The following PGAP4 variants were observed in gnomAD, a reference collection of about 807,000 sequenced individuals.
The protein encoded by PGAP4 is GPI-N-acetylgalactosamine transferase PGAP4.
PGAP4 carries 12 observed loss-of-function variants against 28.2 expected under a neutral mutation model. The ratio of observed to expected loss-of-function variants is 0.42; its 90% confidence interval spans 0.27 to 0.69. The LOEUF (loss-of-function observed/expected upper bound fraction) is 0.69. PGAP4 is among the 30% of genes least tolerant of loss of function. The pLI is 0.22. For missense variants in PGAP4, 425 were observed against 513.5 expected (o/e 0.83, Z 1.67); for synonymous variants, 205 against 211.8 (o/e 0.97, Z 0.28).
In PGAP4 at chr9:101,476,099, A is replaced by C. The variant is rs1826296809; in HGVS notation, c.994T>G (p.Cys332Gly). 6.2e-7 allele frequency: 1 copy of C among 1,613,994 alleles called. No individual in the cohort carries two copies. The highest frequency in any genetic ancestry group is 1.3e-5 in the African/African-American group (1 of 74,916). Residue 332 changes from cysteine (C) to glycine (G), a missense_variant, in exon 2 of 2, where the codon TGT becomes GGT. Physicochemically the swap from Cys to Gly is radical, Grantham distance 159 (BLOSUM62 -3). Transcript: ENST00000374848. The surrounding 1 kb of genome is among the most constrained non-coding windows in gnomAD (Gnocchi z 7.0). ...SLYSVVPASQ[C>G]CTPAMLFPAP... ...GGGAAGAGCATGGCTGGGGTGCAACACTGAGAGGCAGGAACCACACTGTAC... is the reference window on the plus strand; with the variant it reads ...GGGAAGAGCATGGCTGGGGTGCAACCCTGAGAGGCAGGAACCACACTGTAC...
chr9:101,492,120 A>T (rs1012205055), upstream of PGAP4, among the ~76,000 whole-genome samples: 25 of 151,784 alleles, frequency 1.6e-4, no homozygotes, highest in African/African-American at 6.0e-4. Flanking sequence ...TTTTTGTTTC[A>T]TATGTTTTTT....
chr9:101,477,926 G>GT (rs952394408), intron 1 of PGAP4, among the ~76,000 whole-genome samples: 5 of 152,054 alleles, frequency 3.3e-5, no homozygotes. Context: ...GGAGCGGGGG[G>GT]GGAAAGGCAG....
intron 2 of PGAP4, among the ~76,000 whole-genome samples, chr9:101,495,196 AAATATATCT>A (rs1564097605): frequency 6.1e-4 from 57 of 93,738 alleles, no homozygotes; most frequent in African/African-American, 2.1e-3. Flanking sequence ...GTATAATATA[AAATATATCT>A]TATATATTTT....
intron 2 of PGAP4, among the ~76,000 whole-genome samples, chr9:101,518,607 G>C (rs892969605): frequency 1.3e-5 from 2 of 152,146 alleles, no homozygotes; most frequent in Non-Finnish European, 2.9e-5. Flanking sequence ...TAGAATAATA[G>C]TCTCCAGTCT....
At chr9:101,520,098 G>A (rs540859508) in intron 2 of PGAP4, among the ~76,000 whole-genome samples, 20 of 152,182 alleles carry the variant, frequency 1.3e-4, no homozygotes, top group Admixed American at 2.0e-4. Context: ...TACCAGTGCC[G>A]TGCTGTTTTG....
At position 101,476,057 on chromosome 9, in the gene PGAP4, G is replaced by A. The variant is rs761936237; in HGVS notation, c.1036C>T (p.Arg346Trp). 7.4e-6 allele frequency: 12 copies of A among 1,614,060 alleles called. No homozygotes were observed. The highest frequency in any genetic ancestry group is 1.7e-5 in the Admixed American group (1 of 60,004). ...ACTTGGGACAGGTAGGTGAGGGTCC[G>A]GCGGGCCGCAGGTGCCGGGAAGAGC... is the stretch of plus-strand genomic sequence containing the variant. ...AMLFPAPAARRTLTYLSQVYC... is the reference protein window; with the variant it reads ...AMLFPAPAARWTLTYLSQVYC... The change falls in exon 2 of 2, where the codon CGG (arginine) becomes TGG (tryptophan). Residue 346 changes from arginine (R) to tryptophan (W), a missense_variant. Transcript: ENST00000374848. This position sits in a 1 kb window ranked among gnomAD's most constrained non-coding sequence, Gnocchi z 7.0.
intron 2 of PGAP4, among the ~76,000 whole-genome samples, chr9:101,505,358 G>T (rs1326458599): frequency 6.6e-6 from 1 of 152,012 alleles, no homozygotes; most frequent in East Asian, 1.9e-4. Context: ...TATTTTAATT[G>T]ACAGATAGAA....
At chr9:101,518,344 T>C (rs1360342996) in intron 2 of PGAP4, among the ~76,000 whole-genome samples, 2 of 152,164 alleles carry the variant, frequency 1.3e-5, no homozygotes, top group Admixed American at 1.3e-4. Flanking sequence ...GTAAGTTCTT[T>C]AGCGGTGACT....
chr9:101,475,813 C>T lies in PGAP4; in HGVS notation c.*68G>A. The stretch of plus-strand genomic sequence containing the variant: ...GTGAAATACCTGCAGGCAACCATGT[C>T]TAAATAAAGAGATAAATATTTGAAT... On this transcript the variant is annotated 3_prime_UTR_variant, in exon 2 of 2. Coordinates refer to ENST00000374848, the MANE Select transcript of PGAP4 (RefSeq NM_032342.3). 5 of 1,496,602 alleles carry T rather than the reference C, an allele frequency of 3.3e-6. No individual in the cohort carries two copies. The highest frequency in any genetic ancestry group is 4.5e-6 in the Non-Finnish European group (5 of 1,099,132). 92.7% of individuals were successfully genotyped at this position (1,496,602 alleles called of 1,614,324 possible).
At chr9:101,510,086 T>A (rs1826882713) in intron 2 of PGAP4, among the ~76,000 whole-genome samples, 1 of 152,208 alleles carries the variant, frequency 6.6e-6, no homozygotes, top group East Asian at 1.9e-4. Context: ...ACCTGGATTG[T>A]GTACCACAGC....
At position 101,505,255 on chromosome 9, in the gene PGAP4, A is replaced by G. The variant is rs189987564; in HGVS notation, c.-164-16055T>C. Among the ~76,000 whole-genome samples, 467 of 152,192 alleles carry G rather than the reference A, an allele frequency of 3.1e-3. 2 individuals carry two copies. Among genetic ancestry groups the G allele is most frequent in the Admixed American group, 5.1e-3 (78 of 15,254 alleles). On this transcript the variant is annotated intron_variant, in intron 2 of 3. Transcript: ENST00000374851. ...AAGATAATTCAGAATTACAATAGCC[A>G]TATGTGGAACATTCCAAATGGAGAA...
At chr9:101,514,498 T>C (rs72743396) in intron 2 of PGAP4, among the ~76,000 whole-genome samples, 24,235 of 151,698 alleles carry the variant, frequency 0.16, 2,429 homozygotes, top group East Asian at 0.37. Context: ...GTCTCTCATT[T>C]TGTATGTTTG....
At chr9:101,518,440 TCCC>T (rs1348447825) in intron 2 of PGAP4, among the ~76,000 whole-genome samples, 1 of 152,050 alleles carries the variant, frequency 6.6e-6, no homozygotes, top group Admixed American at 6.6e-5. Flanking sequence ...CTTCCATTCT[TCCC>T]CCCAAGTCCC....
chr9:101,494,484 TAA>T (rs1363637737), intron 2 of PGAP4, among the ~76,000 whole-genome samples: 9 of 151,886 alleles, frequency 5.9e-5, no homozygotes, highest in Non-Finnish European at 5.9e-5. Flanking sequence ...ATGCTTTAAA[TAA>T]AAGTCATAAG....
rs71356369 is a variant in PGAP4 at position 101,523,619 on chromosome 9, C to CT, written c.-165+7728dup. Among the ~76,000 whole-genome samples, 403 of 59,154 alleles carry CT rather than the reference C, an allele frequency of 6.8e-3. 10 individuals carry two copies. Among genetic ancestry groups the CT allele is most frequent in the Non-Finnish European group, 9.6e-3 (310 of 32,314 alleles). The allele number at this position is 59,154 out of a possible 152,430, so 38.8% of individuals were successfully genotyped here. ...ACATTTCTCCCCTCACTTCTTGTATCTTTTTTTTTTTTTTTTTTTTTTTTT... is the reference window on the plus strand; with the variant it reads ...ACATTTCTCCCCTCACTTCTTGTATCTTTTTTTTTTTTTTTTTTTTTTTTTT... On this transcript the variant is annotated intron_variant, in intron 2 of 3. Coordinates refer to the PGAP4 transcript ENST00000374851.
chr9:101,510,570 T>A (rs1826888286), intron 2 of PGAP4, among the ~76,000 whole-genome samples: 1 of 152,172 alleles, frequency 6.6e-6, no homozygotes, highest in Non-Finnish European at 1.5e-5. Context: ...AGTAGGACAC[T>A]TGGTATTTTC....
chr9:101,477,923 G>C lies in PGAP4; in HGVS notation c.-77-754C>G, dbSNP rs370031014. On this transcript the variant is annotated intron_variant, in intron 1 of 1. Transcript: ENST00000374848. ...GAGTAGCTTTTCAATGAGGGAGCGG[G>C]GGGGGAAAGGCAGAGGTGAATATGG... is the stretch of plus-strand genomic sequence containing the variant. Among the ~76,000 whole-genome samples the C allele has an allele frequency of 2.2e-3, 334 of 152,198 alleles. 1 individual carries two copies. Among genetic ancestry groups the C allele is most frequent in the African/African-American group, 5.6e-3 (232 of 41,550 alleles).
At chr9:101,488,657 G>T (rs950773414), upstream of PGAP4, among the ~76,000 whole-genome samples, 2 of 152,026 alleles carry the variant, frequency 1.3e-5, no homozygotes, top group Non-Finnish European at 2.9e-5. Context: ...GATGTTCCAG[G>T]CAATGTCTGT....
chr9:101,507,659 C>G (rs894438873), intron 2 of PGAP4, among the ~76,000 whole-genome samples: 4 of 152,132 alleles, frequency 2.6e-5, no homozygotes, highest in Non-Finnish European at 5.9e-5. Context: ...CTCAATTATT[C>G]AAAACCTTCC....
Sources: gnomAD v4.1 joint callset for allele counts (sites outside exome capture counted in the v4.1 genomes callset) on GRCh38, gnomAD v4.1.1 for gene constraint, Gnocchi (gnomAD v3.1) non-coding constraint, MANE v1.5 for transcripts, NCBI Gene and HGNC (gene_info 2026-07-23, HGNC 2026-07-21) for gene names.